The following NCAN variants were observed in gnomAD, a reference collection of about 807,000 sequenced individuals.
The protein encoded by NCAN is neurocan.
NCAN carries 47 observed loss-of-function variants against 121.8 expected under a neutral mutation model. The observed-to-expected ratio is 0.39, with a 90% CI of 0.31 to 0.49. The LOEUF (loss-of-function observed/expected upper bound fraction) is 0.49. Among genes scored for constraint, NCAN ranks in the 20% least tolerant of loss-of-function variants. NCAN has a pLI of 0.92. For missense variants in NCAN, 1,517 were observed against 1,773.4 expected, an observed-to-expected ratio of 0.86 and a Z score of 2.60; for synonymous variants, 633 against 702.0, an observed-to-expected ratio of 0.90 and a Z score of 1.55.
intron 5 of NCAN, 34 bp downstream of exon 5, chr19:19,224,467 G>A (rs763598899): frequency 1.5e-5 from 24 of 1,602,006 alleles, no homozygotes; most frequent in Non-Finnish European, 1.6e-5. Context: ...CGGCCCCTCC[G>A]CCTCTCTTTG....
At chr19:19,235,165 C>A in intron 10 of NCAN, 69 bp downstream of exon 10, 1 of 945,120 alleles carries the variant, frequency 1.1e-6, no homozygotes, top group Non-Finnish European at 1.7e-6. Flanking sequence ...CAGGCTTCCC[C>A]ACATACTCCA....
At chr19:19,233,060 G>C (rs2060866698) in intron 8 of NCAN, 1 of 151,982 alleles carries the variant, frequency 6.6e-6, no homozygotes, top group African/African-American at 2.4e-5. Flanking sequence ...AGCCTCCCGA[G>C]TAGCTGGGAT....
chr19:19,238,166 C>T (rs895682356), intron 10 of NCAN, 87 bp from the exon 11 acceptor site: 54 of 1,564,980 alleles, frequency 3.5e-5, no homozygotes, highest in Admixed American at 5.1e-5. Flanking sequence ...TGGATTGGGC[C>T]CTCTCTCTGG....
At chr19:19,234,153 A>G (rs1206143402) in intron 9 of NCAN, among the ~76,000 whole-genome samples, 1 of 152,182 alleles carries the variant, frequency 6.6e-6, no homozygotes, top group Non-Finnish European at 1.5e-5. Flanking sequence ...GAAGGAAAAG[A>G]CAAAGGAATT....
intron 12 of NCAN, among the ~76,000 whole-genome samples, chr19:19,241,224 T>C (rs112971625): frequency 0.029 from 4,334 of 151,380 alleles, 207 homozygotes; most frequent in African/African-American, 0.1. Context: ...CCACTGCACT[T>C]CAGCCTGGGT....
At position 19,238,270 on chromosome 19, in the gene NCAN, C is replaced by T. The variant is rs200250416; in HGVS notation, c.3268C>T (p.Arg1090Cys). ...FCEKDTEGCD[R>C]GWHKFQGHCY... ...TCTCCCAGACACCGAGGGCTGTGACCGCGGCTGGCATAAGTTCCAGGGCCA... is the reference window on the plus strand; with the variant it reads ...TCTCCCAGACACCGAGGGCTGTGACTGCGGCTGGCATAAGTTCCAGGGCCA... Residue 1090 changes from arginine to cysteine, a missense_variant, in exon 11 of 15, where the codon CGC (arginine) becomes TGC (cysteine). Arg to Cys is a radical substitution (Grantham distance 180). Coordinates refer to ENST00000252575, the MANE Select transcript of NCAN (RefSeq NM_004386.3). The T allele has an allele frequency of 1.2e-5, 20 of 1,614,068 alleles. No homozygotes were observed. Among genetic ancestry groups the T allele is most frequent in the East Asian group, 4.5e-5 (2 of 44,896 alleles).
At position 19,227,517 on chromosome 19, in the gene NCAN, A is replaced by G; in HGVS notation, c.1897A>G (p.Met633Val). ...GGCCACCTCCCCAGATCTCCCTATG[A>G]TGGCCATGCTGCGTGGTCCCAAAGA... ...PVATSPDLPM[M>V]AMLRGPKEWM... is the part of the protein sequence containing the mutation. The change falls in exon 8 of 15, where the codon ATG becomes GTG. Residue 633 changes from methionine (M) to valine (V), a missense_variant. Physicochemically the swap from Met to Val is conservative, Grantham distance 21. Transcript: ENST00000252575. This position sits in a 1 kb window ranked among gnomAD's most constrained non-coding sequence, Gnocchi z 4.2. The G allele has an allele frequency of 6.2e-7, 1 of 1,613,738 alleles. No individual in the cohort carries two copies. Among genetic ancestry groups the G allele is most frequent in the South Asian group, 1.1e-5 (1 of 91,070 alleles).
At chr19:19,244,344 C>T (rs892867585) in intron 12 of NCAN, among the ~76,000 whole-genome samples, 4 of 147,206 alleles carry the variant, frequency 2.7e-5, no homozygotes, top group Non-Finnish European at 5.9e-5. Flanking sequence ...AATCTCACTC[C>T]ATCACCCGGG....
chr19:19,238,140 C>T, intron 10 of NCAN, 113 bp from the exon 11 acceptor site: 7 of 1,413,592 alleles, frequency 5.0e-6, no homozygotes, highest in Middle Eastern at 2.4e-4. Flanking sequence ...GGGGTGATTT[C>T]GCCCCGCAGT....
intron 12 of NCAN, among the ~76,000 whole-genome samples, chr19:19,242,962 C>T (rs1330295707): frequency 6.6e-6 from 1 of 151,936 alleles, no homozygotes; most frequent in Non-Finnish European, 1.5e-5. Context: ...TGGCGAAACC[C>T]CATCTCTACA....
In NCAN at chr19:19,227,599, A is replaced by G; in HGVS notation, c.1979A>G (p.His660Arg). Residue 660 changes from histidine (H) to arginine (R), a missense_variant, in exon 8 of 15, where the codon CAT becomes CGT. His to Arg is a conservative substitution (Grantham distance 29). Coordinates refer to ENST00000252575, the MANE Select transcript of NCAN (RefSeq NM_004386.3). This position sits in a 1 kb window ranked among gnomAD's most constrained non-coding sequence, Gnocchi z 4.2. ...ACCGAGGCCAATAGAGTTGAGGCAC[A>G]TGGTGAGGCCACCGCCACGGCTCCA... ...ISTEANRVEAHGEATATAPPS... is the reference protein window; with the variant it reads ...ISTEANRVEARGEATATAPPS... The G allele has an allele frequency of 6.2e-7, 1 of 1,613,840 alleles. No homozygotes were observed. Among genetic ancestry groups the G allele is most frequent in the East Asian group, 2.2e-5 (1 of 44,886 alleles).
In NCAN at chr19:19,225,450, C is replaced by G. The variant is rs1477327245; in HGVS notation, c.1072+180C>G. 2.0e-5 allele frequency among the ~76,000 whole-genome samples: 3 copies of G among 152,210 alleles called. No homozygotes were observed. In the East Asian group the frequency reaches 5.8e-4, roughly 29 times the overall value. ...CACACCCGTTACGACAAGTCTTTCC[C>G]TAGGAGCCCCGTCCTGGGTAAAGAA... On this transcript the variant is annotated intron_variant, in intron 6 of 14. Coordinates refer to ENST00000252575, the MANE Select transcript of NCAN (RefSeq NM_004386.3). This position sits in a 1 kb window ranked among gnomAD's most constrained non-coding sequence, Gnocchi z 4.0.
chr19:19,247,376 C>T (rs2060928257), intron 13 of NCAN, among the ~76,000 whole-genome samples: 1 of 152,170 alleles, frequency 6.6e-6, no homozygotes, highest in Non-Finnish European at 1.5e-5. Flanking sequence ...GCCTTGGCCT[C>T]CTCAGCAGCT....
At chr19:19,249,387 G>T (rs28368443) in intron 14 of NCAN, among the ~76,000 whole-genome samples, 2 of 149,998 alleles carry the variant, frequency 1.3e-5, no homozygotes, top group African/African-American at 4.9e-5. Flanking sequence ...TGTTTTTTTT[G>T]AAACAGAGCC....
chr19:19,233,067 G>A (rs2060866711), intron 8 of NCAN: 1 of 151,854 alleles, frequency 6.6e-6, no homozygotes, highest in Admixed American at 6.6e-5. Flanking sequence ...CGAGTAGCTG[G>A]GATTACAGGT....
intron 6 of NCAN, among the ~76,000 whole-genome samples, chr19:19,226,178 C>G (rs950263095): frequency 3.3e-5 from 5 of 152,130 alleles, no homozygotes; most frequent in Admixed American, 6.6e-5. Flanking sequence ...GATCCACCCA[C>G]CTTGGCCTCC....
At chr19:19,221,056 G>T (rs899191140) in intron 3 of NCAN, among the ~76,000 whole-genome samples, 2 of 151,144 alleles carry the variant, frequency 1.3e-5, no homozygotes, top group African/African-American at 4.9e-5. Flanking sequence ...AACATAGTGA[G>T]ACCTTGTCTA....
chr19:19,227,602 G>T lies in NCAN; in HGVS notation c.1982G>T (p.Gly661Val), dbSNP rs201043438. 24 of 1,613,720 alleles carry T rather than the reference G, an allele frequency of 1.5e-5. No individual in the cohort carries two copies. The highest frequency in any genetic ancestry group is 1.7e-5 in the Non-Finnish European group (20 of 1,180,010). Residue 661 changes from glycine (G) to valine (V), a missense_variant, in exon 8 of 15, where the codon GGT (glycine) becomes GTT (valine). Transcript: ENST00000252575. This position sits in a 1 kb window ranked among gnomAD's most constrained non-coding sequence, Gnocchi z 4.2. The stretch of plus-strand genomic sequence containing the variant: ...GAGGCCAATAGAGTTGAGGCACATG[G>T]TGAGGCCACCGCCACGGCTCCACCC... ...STEANRVEAHGEATATAPPSP... is the reference protein window; with the variant it reads ...STEANRVEAHVEATATAPPSP...
At position 19,248,918 on chromosome 19, in the gene NCAN, T is replaced by C. The variant is rs778676257; in HGVS notation, c.3820+36T>C. The C allele has an allele frequency of 6.9e-6, 11 of 1,602,348 alleles. 1 individual carries two copies. The highest frequency in any genetic ancestry group is 9.4e-6 in the Non-Finnish European group (11 of 1,172,144). ...TCTCCCAGAGATCTCAACATAGGTTTTTGGTATTTCTAGTTTCCAAGTAAG... is the reference window on the plus strand; with the variant it reads ...TCTCCCAGAGATCTCAACATAGGTTCTTGGTATTTCTAGTTTCCAAGTAAG... On this transcript the variant is annotated intron_variant, in intron 14 of 14. Transcript: ENST00000252575.
Sources: gnomAD v4.1 joint callset for allele counts (sites outside exome capture counted in the v4.1 genomes callset) on GRCh38, gnomAD v4.1.1 for gene constraint, Gnocchi (gnomAD v3.1) non-coding constraint, MANE v1.5 for transcripts, NCBI Gene and HGNC (gene_info 2026-07-23, HGNC 2026-07-21) for gene names.